Variants in CATSPERD observed in about 807,000 individuals in gnomAD.
The protein encoded by CATSPERD is catsper channel auxiliary subunit delta.
CATSPERD carries 86 observed loss-of-function variants against 98.1 expected under a neutral mutation model. The observed-to-expected ratio is 0.88, with a 90% CI of 0.74 to 1.05. The LOEUF is 1.05. Among genes scored for constraint, CATSPERD ranks in the 50% least tolerant of loss-of-function variants. CATSPERD has a pLI of 0.00. For missense variants in CATSPERD, 995 were observed against 1,005.7 expected, an observed-to-expected ratio of 0.99 and a Z score of 0.14; for synonymous variants, 394 against 390.2, an observed-to-expected ratio of 1.01 and a Z score of -0.12.
In CATSPERD at chr19:5,746,038, C is replaced by T. The variant is rs759549516; in HGVS notation, c.783C>T (p.Asn261=). 2 of 1,614,098 alleles carry T rather than the reference C, an allele frequency of 1.2e-6. No homozygotes were observed. The highest frequency in any genetic ancestry group is 2.2e-5 in the East Asian group (1 of 44,878). The change falls in exon 9 of 22, where the codon AAC becomes AAT. Residue 261 remains asparagine, a synonymous_variant. Coordinates refer to ENST00000381624, the MANE Select transcript of CATSPERD (RefSeq NM_152784.4). The stretch of plus-strand genomic sequence containing the variant: ...GCATCCTGCTCCTATGGTTTGAGAA[C>T]AGCCTGTTGTTTTCCCATAATGCAG... The part of the protein sequence containing the change: ...QRGILLLWFE[N]SLLFSHNAGQ...
chr19:5,742,063 AAAAC>A lies in CATSPERD; in HGVS notation c.574-2360_574-2357del, dbSNP rs950468609. On this transcript the variant is annotated intron_variant, in intron 7 of 21. Transcript: ENST00000381624. ...GGAAAAAAAAAAAGAACAAACAAAAAAAACAAAAAAGGAAACCTAGCATCACTAA... is the reference window on the plus strand; with the variant it reads ...GGAAAAAAAAAAAGAACAAACAAAAAAAAAAAGGAAACCTAGCATCACTAA... Among the ~76,000 whole-genome samples the A allele has an allele frequency of 7.2e-5, 11 of 151,956 alleles. No homozygotes were observed. The South Asian group carries it at 1.7e-3, about 23-fold the overall frequency.
intron 10 of CATSPERD, among the ~76,000 whole-genome samples, chr19:5,748,584 G>T (rs1235566118): frequency 7.6e-6 from 1 of 131,086 alleles, no homozygotes; most frequent in South Asian, 2.4e-4. Flanking sequence ...TGAGCAGATC[G>T]CACCATGGCA....
intron 7 of CATSPERD, among the ~76,000 whole-genome samples, chr19:5,742,039 G>GA (rs1467502006): frequency 8.9e-4 from 122 of 136,724 alleles, no homozygotes; most frequent in Non-Finnish European, 1.5e-3. Flanking sequence ...CTGTCTCAAG[G>GA]AAAAAAAAAA....
chr19:5,726,991 A>T (rs2055617288), intron 2 of CATSPERD, among the ~76,000 whole-genome samples: 1 of 152,154 alleles, frequency 6.6e-6, no homozygotes, highest in Admixed American at 6.6e-5. Context: ...CAGGAGATCG[A>T]GACCATCCTG....
At chr19:5,758,923 CAAAAAAA>C (rs1002375684) in intron 14 of CATSPERD, among the ~76,000 whole-genome samples, 156 bp from the exon 15 acceptor site, 18 of 39,506 alleles carry the variant, frequency 4.6e-4, no homozygotes, top group Admixed American at 1.6e-3. Flanking sequence ...GACTCCATCT[CAAAAAAA>C]AAAAAAAAAA....
intron 16 of CATSPERD, among the ~76,000 whole-genome samples, chr19:5,764,248 T>TTA (rs397803765): frequency 3.3e-5 from 5 of 151,280 alleles, no homozygotes; most frequent in African/African-American, 9.7e-5. Flanking sequence ...TTTTTTTTTT[T>TTA]AAGATATGAA....
intron 20 of CATSPERD, chr19:5,775,325 T>C (rs1221813094): frequency 2.1e-6 from 1 of 469,212 alleles, no homozygotes; most frequent in Admixed American, 2.4e-5. Flanking sequence ...TCCACAGACC[T>C]GCGTATTTAT....
chr19:5,723,197 A>G (rs536862568), intron 1 of CATSPERD, among the ~76,000 whole-genome samples: 178 of 149,780 alleles, frequency 1.2e-3, no homozygotes, highest in African/African-American at 4.2e-3. Flanking sequence ...AAAAAAAAAA[A>G]AAAGAAAAAG....
At chr19:5,748,717 G>T (rs2145769313) in intron 10 of CATSPERD, among the ~76,000 whole-genome samples, 3 of 133,290 alleles carry the variant, frequency 2.3e-5, no homozygotes, top group African/African-American at 2.7e-5. Flanking sequence ...GAAAATAGCT[G>T]TCATATTATT....
rs1209183895 is a variant in CATSPERD, at chr19:5,751,840, G to A, written c.1164+17G>A. The A allele has an allele frequency of 1.3e-6, 2 of 1,597,236 alleles. No individual in the cohort carries two copies. Among genetic ancestry groups the A allele is most frequent in the African/African-American group, 1.3e-5 (1 of 74,230 alleles). On this transcript the variant is annotated intron_variant, in intron 12 of 21. Coordinates refer to ENST00000381624, the MANE Select transcript of CATSPERD (RefSeq NM_152784.4). ...AAGTGCAAGGTATGTGATCCTAACT[G>A]TTTTGATCAATGTTCAATGTAGTTT...
At chr19:5,738,740 C>T (rs146916322) in intron 6 of CATSPERD, among the ~76,000 whole-genome samples, 198 of 152,192 alleles carry the variant, frequency 1.3e-3, no homozygotes, top group African/African-American at 4.3e-3. Flanking sequence ...CACAGCACCA[C>T]GCCTGGCTAA....
At position 5,775,834 on chromosome 19, in the gene CATSPERD, C is replaced by T. The variant is rs535463153; in HGVS notation, c.1942-327C>T. ...CTCAGCATTCCTTCTGGGCGGCAGA[C>T]GCAGTTTGTCAGTTTGCCAACATTC... On this transcript the variant is annotated intron_variant, in intron 20 of 21. Coordinates refer to ENST00000381624, the MANE Select transcript of CATSPERD (RefSeq NM_152784.4). Among the ~76,000 whole-genome samples, 12 of 152,048 alleles carry T rather than the reference C, an allele frequency of 7.9e-5. No individual in the cohort carries two copies. In the South Asian group the frequency reaches 1.0e-3, roughly 13 times the overall value.
intron 9 of CATSPERD, among the ~76,000 whole-genome samples, chr19:5,747,193 G>A (rs1702188154): frequency 7.7e-6 from 1 of 130,638 alleles, no homozygotes; most frequent in Non-Finnish European, 1.6e-5. Flanking sequence ...TTTTTTTTGG[G>A]ACACAGTTTC....
intron 19 of CATSPERD, chr19:5,772,071 G>C: frequency 1.3e-5 from 1 of 76,058 alleles, no homozygotes. Flanking sequence ...TTTTTGTGTT[G>C]GCGTCTTGCT....
intron 6 of CATSPERD, 100 bp from the exon 7 acceptor site, chr19:5,739,226 T>G (rs993706058): frequency 1.4e-6 from 1 of 720,856 alleles, no homozygotes; most frequent in South Asian, 1.6e-5. Flanking sequence ...GACATCCAGG[T>G]TTTTTTCAGT....
At position 5,770,071 on chromosome 19, in the gene CATSPERD, AG is replaced by A. The variant is rs540503483; in HGVS notation, c.1635-872del. Among the ~76,000 whole-genome samples the A allele has an allele frequency of 3.1e-3, 463 of 147,912 alleles. 5 individuals are homozygous for A. Among genetic ancestry groups the A allele is most frequent in the African/African-American group, 0.011 (451 of 39,912 alleles). ...GCCACTGCACTCCAGCCTGGGCAAC[AG>A]AGCGAGACTCTGTCTCAAAAAAAAA... On this transcript the variant is annotated intron_variant, in intron 18 of 21. Coordinates refer to ENST00000381624, the MANE Select transcript of CATSPERD (RefSeq NM_152784.4).
rs1357026319 is a variant in CATSPERD, at chr19:5,776,250, C to T, written c.2031C>T (p.Asn677=). The change falls in exon 21 of 22, where the codon AAC becomes AAT. Residue 677 remains asparagine, a synonymous_variant. Coordinates refer to ENST00000381624, the MANE Select transcript of CATSPERD (RefSeq NM_152784.4). ...AGATCTTGGGCGGCCGGACAGCAAA[C>T]CAGATCATTTTCGGCCACAATGGCT... is the stretch of plus-strand genomic sequence containing the variant. The part of the protein sequence containing the change: ...QYQILGGRTA[N]QIIFGHNGFY... 1 of 1,614,210 alleles carries T rather than the reference C, an allele frequency of 6.2e-7. No individual in the cohort carries two copies. Among genetic ancestry groups the T allele is most frequent in the African/African-American group, 1.3e-5 (1 of 75,058 alleles).
In CATSPERD at chr19:5,729,882, T is replaced by C; in HGVS notation, c.214T>C (p.Phe72Leu). Residue 72 changes from phenylalanine to leucine, a missense_variant, in exon 4 of 22, where the codon TTT becomes CTT. Phe to Leu is a conservative substitution (Grantham distance 22, BLOSUM62 0). This residue lies in a region of CATSPERD where 228 missense variants were observed against 209.6 expected (regional missense o/e 1.09). Transcript: ENST00000381624. ...TATTGTTTATTTCAGGAAACAAGTTTTTTTCACAATGGATAACTTTGAGAC... is the reference window on the plus strand; with the variant it reads ...TATTGTTTATTTCAGGAAACAAGTTCTTTTCACAATGGATAACTTTGAGAC... ...NIALYLGKQV[F>L]FTMDNFETSL... The C allele has an allele frequency of 6.3e-7, 1 of 1,587,072 alleles. No homozygotes were observed.
chr19:5,731,730 C>A (rs986407567), intron 4 of CATSPERD, among the ~76,000 whole-genome samples: 1 of 150,286 alleles, frequency 6.7e-6, no homozygotes, highest in Non-Finnish European at 1.5e-5. Flanking sequence ...CGCCCGCCAC[C>A]GCGCCCGGCT....
Sources: allele counts gnomAD v4.1 joint callset (sites outside exome capture counted in the v4.1 genomes callset), GRCh38; gene constraint gnomAD v4.1.1; regional missense constraint gnomAD v4.1.1; transcripts MANE v1.5; gene names NCBI Gene and HGNC (gene_info 2026-07-23, HGNC 2026-07-21).